TOX2: variants seen among roughly 807,000 people sequenced by gnomAD.
TOX2 encodes TOX high mobility group box family member 2.
Under a neutral mutation model 47.4 loss-of-function variants are expected in TOX2, and 15 were observed. The observed-to-expected ratio is 0.32, with a 90% CI of 0.21 to 0.49. TOX2 has a LOEUF of 0.49. Ranked by LOEUF, TOX2 falls within the 20% of genes least tolerant of loss-of-function variation. The probability of loss-of-function intolerance (pLI) is 0.99; values close to 1 mark genes in which losing one functional copy is unlikely to be tolerated. For synonymous variants in TOX2, 290 were observed against 296.6 expected, an observed-to-expected ratio of 0.98 and a Z score of 0.23; for missense variants, 622 against 673.1, an observed-to-expected ratio of 0.92 and a Z score of 0.84.
intron 1 of TOX2, among the ~76,000 whole-genome samples, chr20:43,935,968 G>A (rs923769482): frequency 2.0e-5 from 3 of 148,828 alleles, no homozygotes; most frequent in Non-Finnish European, 4.4e-5. Context: ...AGAGTGGATC[G>A]TGAACCTGAA....
At chr20:43,942,218 A>G (rs2069411746) in intron 1 of TOX2, among the ~76,000 whole-genome samples, 1 of 151,992 alleles carries the variant, frequency 6.6e-6, no homozygotes, top group African/African-American at 2.4e-5. Context: ...TTTGACAAAA[A>G]CCCCACCAGG....
chr20:43,959,070 A>C (rs978825568), intron 1 of TOX2, among the ~76,000 whole-genome samples: 2 of 152,210 alleles, frequency 1.3e-5, no homozygotes, highest in African/African-American at 2.4e-5. Context: ...AGGGTTCAAT[A>C]GTCAAGAACA....
chr20:44,053,457 C>T (rs1175934055), intron 4 of TOX2, among the ~76,000 whole-genome samples: 3 of 146,618 alleles, frequency 2.0e-5, no homozygotes, highest in East Asian at 1.9e-4. Context: ...CACACACACA[C>T]ACACACACAC....
chr20:44,062,499 A>C (rs2071739288), intron 5 of TOX2, among the ~76,000 whole-genome samples: 1 of 152,114 alleles, frequency 6.6e-6, no homozygotes, highest in African/African-American at 2.4e-5. Flanking sequence ...GAAATCGTAG[A>C]TGAAACAAAT....
At position 44,066,785 on chromosome 20, in the gene TOX2, C is replaced by T. The variant is rs758939019; in HGVS notation, c.1412C>T (p.Pro471Leu). Reference protein sequence around the residue: ...PSSSGSCSPGPSNPTSSGDWD... With the variant: ...PSSSGSCSPGLSNPTSSGDWD... ...AGCTCGGGATCCTGCTCACCTGGCC[C>T]ATCCAACCCCACCAGCAGCGGGGAC... Residue 471 changes from proline to leucine, a missense_variant, in exon 8 of 9, where the codon CCA becomes CTA. By Grantham distance (98) the Pro-to-Leu change is moderately conservative. This residue lies in a region of TOX2 where 294 missense variants were observed against 300.0 expected (regional missense o/e 0.98). Coordinates refer to ENST00000341197, the MANE Select transcript of TOX2 (RefSeq NM_001098797.2). 2 of 1,614,232 alleles carry T rather than the reference C, an allele frequency of 1.2e-6. No homozygotes were observed. The highest frequency in any genetic ancestry group is 1.3e-5 in the African/African-American group (1 of 75,068).
intron 2 of TOX2, among the ~76,000 whole-genome samples, chr20:44,003,796 G>A (rs896074302): frequency 6.6e-6 from 1 of 152,174 alleles, no homozygotes; most frequent in African/African-American, 2.4e-5. Context: ...GGAGAGCCCA[G>A]AGGCAGGAGA....
chr20:43,948,662 C>T (rs2069509752), intron 1 of TOX2, among the ~76,000 whole-genome samples: 1 of 152,164 alleles, frequency 6.6e-6, no homozygotes, highest in Non-Finnish European at 1.5e-5. Context: ...CACTGGGAGG[C>T]CCAGGGCTGC....
At chr20:44,038,320 T>C (rs2071272502) in intron 3 of TOX2, among the ~76,000 whole-genome samples, 1 of 152,046 alleles carries the variant, frequency 6.6e-6, no homozygotes. Flanking sequence ...CGCCTGAGCC[T>C]GGGAGGTGGA....
At chr20:44,003,439 T>C (rs1435666394) in intron 2 of TOX2, among the ~76,000 whole-genome samples, 1 of 152,192 alleles carries the variant, frequency 6.6e-6, no homozygotes, top group Non-Finnish European at 1.5e-5. Flanking sequence ...TCCTCCCGTC[T>C]TGGCCTCCCA....
chr20:44,067,798 C>T (rs1288555339), intron 8 of TOX2, among the ~76,000 whole-genome samples: 1 of 152,186 alleles, frequency 6.6e-6, no homozygotes, highest in Admixed American at 6.5e-5. Flanking sequence ...CCTTAACCCG[C>T]CAGCCAGGTT....
intron 3 of TOX2, among the ~76,000 whole-genome samples, chr20:44,048,388 T>TTATATA (rs11472862): frequency 0.087 from 7,566 of 86,552 alleles, 731 homozygotes; most frequent in East Asian, 0.12. Context: ...TAAAATGAAT[T>TTATATA]TATATATATA....
chr20:44,049,360 G>A (rs1261139596), intron 3 of TOX2, among the ~76,000 whole-genome samples: 1 of 152,152 alleles, frequency 6.6e-6, no homozygotes, highest in East Asian at 1.9e-4. Flanking sequence ...GGGTCTCAAA[G>A]AAAACCTTAA....
chr20:44,054,922 G>A (rs901455945), intron 5 of TOX2, among the ~76,000 whole-genome samples: 1 of 152,236 alleles, frequency 6.6e-6, no homozygotes, highest in Non-Finnish European at 1.5e-5. Flanking sequence ...AGAATAGAGA[G>A]CAGAACTAGC....
chr20:43,970,312 T>C (rs749184899), intron 1 of TOX2, among the ~76,000 whole-genome samples: 16 of 152,232 alleles, frequency 1.1e-4, no homozygotes, highest in Non-Finnish European at 2.2e-4. Context: ...ATGAGGTCTT[T>C]TATGTAAAGC....
chr20:43,997,424 T>A (rs1341911264), intron 2 of TOX2, among the ~76,000 whole-genome samples: 1 of 152,222 alleles, frequency 6.6e-6, no homozygotes, highest in African/African-American at 2.4e-5. Context: ...TTTGGAAGAT[T>A]TAAATGATAG....
chr20:44,043,193 G>A (rs1262434065), intron 3 of TOX2, among the ~76,000 whole-genome samples: 1 of 152,174 alleles, frequency 6.6e-6, no homozygotes, highest in Non-Finnish European at 1.5e-5. Context: ...ATTTCAGGGT[G>A]CCTAATGTGG....
intron 2 of TOX2, among the ~76,000 whole-genome samples, chr20:43,993,295 G>A (rs1202522473): frequency 3.3e-5 from 5 of 152,208 alleles, no homozygotes; most frequent in Admixed American, 6.5e-5. Flanking sequence ...AATTTGGAAG[G>A]AAAGAGATTA....
chr20:43,955,954 T>G (rs1366739944), intron 1 of TOX2, among the ~76,000 whole-genome samples: 1 of 152,160 alleles, frequency 6.6e-6, no homozygotes, highest in Non-Finnish European at 1.5e-5. Context: ...GTGTGGCCCT[T>G]GAAGCTCCCT....
intron 1 of TOX2, among the ~76,000 whole-genome samples, chr20:43,951,102 A>T (rs1208425136): frequency 6.6e-6 from 1 of 152,108 alleles, no homozygotes; most frequent in Non-Finnish European, 1.5e-5. Context: ...TCAGGGCGAT[A>T]GCTGTCTGGG....
Sources: gnomAD v4.1 joint callset for allele counts (sites outside exome capture counted in the v4.1 genomes callset) on GRCh38, gnomAD v4.1.1 for gene constraint, gnomAD v4.1.1 regional missense constraint, MANE v1.5 for transcripts, NCBI Gene and HGNC (gene_info 2026-07-23, HGNC 2026-07-21) for gene names.